The following GPR20 variants were observed in gnomAD, a reference collection of about 807,000 sequenced individuals.
GPR20 encodes the protein CTD-3064M3.3.
For missense variants in GPR20, 494 were observed against 527.4 expected (o/e 0.94, Z 0.62); for synonymous variants, 241 against 241.9 (o/e 1.00, Z 0.04).
chr8:141,359,791 A>G (rs1219723641), intron 1 of GPR20, among the ~76,000 whole-genome samples: 1 of 152,144 alleles, frequency 6.6e-6, no homozygotes, highest in Non-Finnish European at 1.5e-5. Flanking sequence ...GGTCCCCCCG[A>G]AAGAGATGCG....
chr8:141,358,436 G>A (rs545617924), intron 1 of GPR20, among the ~76,000 whole-genome samples: 2 of 152,308 alleles, frequency 1.3e-5, no homozygotes, highest in South Asian at 2.1e-4. Flanking sequence ...CTGGGATCGC[G>A]TTGCTGCTGG....
At chr8:141,363,676 C>A (rs1339076581) in intron 1 of GPR20, among the ~76,000 whole-genome samples, 1 of 152,254 alleles carries the variant, frequency 6.6e-6, no homozygotes, top group Non-Finnish European at 1.5e-5. Context: ...GTCATGCCGG[C>A]CTCCGTCCTT....
At position 141,360,341 on chromosome 8, in the gene GPR20, C is replaced by T. The variant is rs75105786; in HGVS notation, c.-24-2394G>A. On this transcript the variant is annotated intron_variant, in intron 1 of 1. Transcript: ENST00000377741. Reference sequence around the variant, plus strand: ...ATCCCTGTCCCACTCTGAGCCCTGACCCTGGTCACACACTGACCCCAATCC... The same window carrying T: ...ATCCCTGTCCCACTCTGAGCCCTGATCCTGGTCACACACTGACCCCAATCC... 9.6e-4 allele frequency among the ~76,000 whole-genome samples: 147 copies of T among 152,348 alleles called. 2 individuals are homozygous for T. In the East Asian group the frequency reaches 0.026, roughly 27 times the overall value.
At chr8:141,360,842 C>T (rs920750438) in intron 1 of GPR20, among the ~76,000 whole-genome samples, 8 of 152,262 alleles carry the variant, frequency 5.3e-5, no homozygotes, top group Admixed American at 5.2e-4. Flanking sequence ...GGTCAGTAGG[C>T]TGGCCGTCCT....
chr8:141,358,493 G>A (rs1586508932), intron 1 of GPR20, among the ~76,000 whole-genome samples: 1 of 152,240 alleles, frequency 6.6e-6, no homozygotes, highest in Non-Finnish European at 1.5e-5. Context: ...CAGAGTTGGT[G>A]GCTGATGACC....
At chr8:141,361,952 A>G (rs1173117356) in intron 1 of GPR20, among the ~76,000 whole-genome samples, 1 of 152,154 alleles carries the variant, frequency 6.6e-6, no homozygotes, top group East Asian at 1.9e-4. Flanking sequence ...GCAGAGGGTG[A>G]AGGAGGATGT....
intron 1 of GPR20, among the ~76,000 whole-genome samples, chr8:141,363,892 G>A (rs1191097059): frequency 6.6e-6 from 1 of 152,268 alleles, no homozygotes; most frequent in Non-Finnish European, 1.5e-5. Context: ...TCTGGCTCAG[G>A]ACCCTGTGTG....
chr8:141,356,605 G>A lies in GPR20; in HGVS notation c.*242C>T, dbSNP rs1013885764. 2 of 435,472 alleles carry A rather than the reference G, an allele frequency of 4.6e-6. No homozygotes were observed. The highest frequency in any genetic ancestry group is 6.7e-5 in the East Asian group (2 of 29,916). The allele number at this position is 435,472 out of a possible 1,614,324, so 27.0% of individuals were successfully genotyped here. ...CCGGCTACCCCTGTGAGTTTTCAGT[G>A]GACGTGCTATACCCCAGGAACAGCA... On this transcript the variant is annotated 3_prime_UTR_variant, in exon 2 of 2. Coordinates refer to ENST00000377741, the MANE Select transcript of GPR20 (RefSeq NM_005293.3).
At chr8:141,361,453 C>T (rs183227947) in intron 1 of GPR20, among the ~76,000 whole-genome samples, 98 of 152,282 alleles carry the variant, frequency 6.4e-4, no homozygotes, top group Admixed American at 1.8e-3. Context: ...GTAGAGTGGG[C>T]AAAATAGAAT....
At chr8:141,361,271 C>T (rs1010125615) in intron 1 of GPR20, among the ~76,000 whole-genome samples, 4 of 152,222 alleles carry the variant, frequency 2.6e-5, no homozygotes, top group African/African-American at 9.6e-5. Context: ...ACAGAGGGAA[C>T]GAGGGCCTGC....
At chr8:141,362,897 G>A (rs991941240) in intron 1 of GPR20, among the ~76,000 whole-genome samples, 2 of 152,046 alleles carry the variant, frequency 1.3e-5, no homozygotes, top group South Asian at 2.1e-4. Context: ...GGGATTACAG[G>A]TGCCCGTGCC....
Position 141,357,850 on chromosome 8 carries a change from G to C in GPR20, c.74C>G (p.Thr25Ser). 6.2e-7 allele frequency: 1 copy of C among 1,612,530 alleles called. No homozygotes were observed. Among genetic ancestry groups the C allele is most frequent in the African/African-American group, 1.3e-5 (1 of 75,052 alleles). Residue 25 changes from threonine to serine, a missense_variant, in exon 2 of 2, where the codon ACC becomes AGC. Physicochemically the swap from Thr to Ser is moderately conservative, Grantham distance 58. Transcript: ENST00000377741. ...PNATAVTTVR[T>S]NASGLEVPLF... Reference sequence around the variant, plus strand: ...GGGCACCTCCAGCCCGCTGGCATTGGTCCGCACTGTTGTCACTGCGGTGGC... The same window carrying C: ...GGGCACCTCCAGCCCGCTGGCATTGCTCCGCACTGTTGTCACTGCGGTGGC...
chr8:141,356,711 A>G lies in GPR20; in HGVS notation c.*136T>C, dbSNP rs1831640758. 1 of 621,074 alleles carries G rather than the reference A, an allele frequency of 1.6e-6. No individual in the cohort carries two copies. Among genetic ancestry groups the G allele is most frequent in the Non-Finnish European group, 2.8e-6 (1 of 359,166 alleles). 38.5% of individuals were successfully genotyped at this position (621,074 alleles called of 1,614,324 possible). Reference sequence around the variant, plus strand: ...ATCAACCACAGCACAGTGGCCTTAGACGCTCAATGCGGTGCTCTGGGTAGC... The same window carrying G: ...ATCAACCACAGCACAGTGGCCTTAGGCGCTCAATGCGGTGCTCTGGGTAGC... On this transcript the variant is annotated 3_prime_UTR_variant, in exon 2 of 2. Transcript: ENST00000377741.
chr8:141,359,170 G>A (rs1241914486), intron 1 of GPR20, among the ~76,000 whole-genome samples: 5 of 152,084 alleles, frequency 3.3e-5, no homozygotes, highest in African/African-American at 1.2e-4. Flanking sequence ...CCCACCTGCT[G>A]GAGAAGGGAG....
intron 1 of GPR20, among the ~76,000 whole-genome samples, chr8:141,364,931 C>T (rs1831792857): frequency 6.6e-6 from 1 of 152,214 alleles, no homozygotes; most frequent in African/African-American, 2.4e-5. Context: ...TCCTGAAACC[C>T]CTCCCCAACC....
chr8:141,361,193 T>C (rs762112662), intron 1 of GPR20, among the ~76,000 whole-genome samples: 4 of 152,166 alleles, frequency 2.6e-5, no homozygotes, highest in Non-Finnish European at 5.9e-5. Context: ...GCTGGGAGGT[T>C]TCTCTTTTCC....
chr8:141,359,948 T>A (rs1831709338), intron 1 of GPR20, among the ~76,000 whole-genome samples: 4 of 152,220 alleles, frequency 2.6e-5, no homozygotes, highest in Admixed American at 2.6e-4. Context: ...GGGGCCTATA[T>A]TAGTGTCCCA....
intron 1 of GPR20, among the ~76,000 whole-genome samples, chr8:141,366,467 G>A (rs1831815103): frequency 6.6e-6 from 1 of 152,230 alleles, no homozygotes; most frequent in South Asian, 2.1e-4. Context: ...GCCCCCTCGG[G>A]ACCCTGTCCT....
At chr8:141,365,063 C>G (rs1831794892) in intron 1 of GPR20, among the ~76,000 whole-genome samples, 1 of 152,218 alleles carries the variant, frequency 6.6e-6, no homozygotes, top group Non-Finnish European at 1.5e-5. Flanking sequence ...TCTGCATGTG[C>G]TGTTCCTTCT....
Sources: gnomAD v4.1 joint callset for allele counts (sites outside exome capture counted in the v4.1 genomes callset) on GRCh38, gnomAD v4.1.1 for gene constraint, MANE v1.5 for transcripts, NCBI Gene and HGNC (gene_info 2026-07-23, HGNC 2026-07-21) for gene names.